The following SLCO6A1 variants were observed in gnomAD, a reference collection of about 807,000 sequenced individuals.
SLCO6A1 encodes the protein solute carrier organic anion transporter family member 6A1.
In SLCO6A1, 65 loss-of-function variants were observed where a neutral mutation model predicts 72.7. The observed-to-expected ratio is 0.89, with a 90% CI of 0.73 to 1.10. The LOEUF (loss-of-function observed/expected upper bound fraction) is 1.10. Among genes scored for constraint, SLCO6A1 ranks in the 50% least tolerant of loss-of-function variants. SLCO6A1 has a pLI of 0.00. For missense variants in SLCO6A1, 874 were observed against 872.6 expected (o/e 1.00, Z -0.02); for synonymous variants, 314 against 298.2 (o/e 1.05, Z -0.55).
rs988098275 is a variant in SLCO6A1 at position 102,479,377 on chromosome 5, C to T, written c.616+800G>A. ...AAATCTTCTTTCTTTATAAATTACC[C>T]AGTCTCAGGTAGTTCTTTATAGCAG... On this transcript the variant is annotated intron_variant, in intron 2 of 13. Transcript: ENST00000506729. Among the ~76,000 whole-genome samples the T allele has an allele frequency of 3.3e-5, 5 of 152,092 alleles. No individual in the cohort carries two copies. The South Asian group carries it at 1.0e-3, about 31-fold the overall frequency.
At position 102,377,136 on chromosome 5, in the gene SLCO6A1, C is replaced by T. The variant is rs544023788; in HGVS notation, c.2018-3642G>A. Among the ~76,000 whole-genome samples the T allele has an allele frequency of 1.2e-4, 18 of 152,262 alleles. No homozygotes were observed. In the South Asian group the frequency reaches 3.3e-3, roughly 28 times the overall value. ...CCATGATCTCTCCACTTCACTCCAG[C>T]CTGGGTGACAGAGCAAGACATTGTC... On this transcript the variant is annotated intron_variant, in intron 12 of 13. Transcript: ENST00000506729.
intron 6 of SLCO6A1, among the ~76,000 whole-genome samples, chr5:102,451,901 A>AT: frequency 6.6e-6 from 1 of 152,326 alleles, no homozygotes; most frequent in East Asian, 1.9e-4. Flanking sequence ...AGTTTTGAAA[A>AT]TTATGTTATT....
At chr5:102,452,499 C>T (rs1338884928) in intron 6 of SLCO6A1, among the ~76,000 whole-genome samples, 2 of 152,144 alleles carry the variant, frequency 1.3e-5, no homozygotes, top group African/African-American at 2.4e-5. Context: ...CTTTTAACCT[C>T]GTGGATATTA....
rs1753029449 is a variant in SLCO6A1 at position 102,498,732 on chromosome 5, G to A, written c.113C>T (p.Thr38Ile). The A allele has an allele frequency of 6.2e-7, 1 of 1,614,196 alleles. No individual in the cohort carries two copies. Among genetic ancestry groups the A allele is most frequent in the Non-Finnish European group, 8.5e-7 (1 of 1,180,024 alleles). Residue 38 changes from threonine to isoleucine, a missense_variant, in exon 1 of 14, where the codon ACC becomes ATC. Thr to Ile is a moderately conservative substitution (Grantham distance 89). Transcript: ENST00000506729. The part of the protein sequence containing the change: ...QPAKDRRAKG[T>I]PKSSKPGKKH... ...TTTCCCGGGCTTCGAGGACTTCGGGGTTCCCTTGGCCCTCCTGTCCTTAGC... is the reference window on the plus strand; with the variant it reads ...TTTCCCGGGCTTCGAGGACTTCGGGATTCCCTTGGCCCTCCTGTCCTTAGC...
At chr5:102,426,703 C>T (rs781200277) in intron 7 of SLCO6A1, among the ~76,000 whole-genome samples, 4 of 152,186 alleles carry the variant, frequency 2.6e-5, no homozygotes, top group Non-Finnish European at 4.4e-5. Context: ...TTGCGGAAAA[C>T]AGTGTGGTGC....
chr5:102,435,003 T>C (rs1321762769), intron 7 of SLCO6A1, among the ~76,000 whole-genome samples: 1 of 152,212 alleles, frequency 6.6e-6, no homozygotes. Context: ...TAATTTCTTG[T>C]TTAAACAAAA....
chr5:102,419,219 G>GTATT (rs2112610266), intron 8 of SLCO6A1, among the ~76,000 whole-genome samples: 1 of 152,230 alleles, frequency 6.6e-6, no homozygotes, highest in South Asian at 2.1e-4. Flanking sequence ...TTTTAAAACT[G>GTATT]TATTCAGCTT....
intron 2 of SLCO6A1, 63 bp from the exon 3 acceptor site, chr5:102,477,924 T>C (rs1037738885): frequency 1.4e-6 from 2 of 1,419,202 alleles, no homozygotes; most frequent in South Asian, 2.8e-5. Context: ...AAATGTGCAG[T>C]ATTCTTTATC....
intron 12 of SLCO6A1, among the ~76,000 whole-genome samples, chr5:102,385,877 G>A (rs1483683389): frequency 2.1e-5 from 3 of 146,128 alleles, no homozygotes; most frequent in Non-Finnish European, 3.0e-5. Context: ...TGTTGCCTAG[G>A]CTGGCCTTGA....
chr5:102,426,035 A>G (rs1378349986), intron 7 of SLCO6A1, among the ~76,000 whole-genome samples: 1 of 152,204 alleles, frequency 6.6e-6, no homozygotes, highest in Non-Finnish European at 1.5e-5. Context: ...TCCCTATTTT[A>G]TAAATGGTGC....
intron 12 of SLCO6A1, among the ~76,000 whole-genome samples, chr5:102,378,937 C>T (rs1006065506): frequency 1.4e-4 from 21 of 151,922 alleles, no homozygotes; most frequent in Non-Finnish European, 2.2e-4. Flanking sequence ...CCCGCCACTA[C>T]GCCTAGCTAA....
intron 4 of SLCO6A1, among the ~76,000 whole-genome samples, chr5:102,467,289 C>T (rs1751359588): frequency 6.6e-6 from 1 of 152,024 alleles, no homozygotes; most frequent in Non-Finnish European, 1.5e-5. Flanking sequence ...TATAAGGATG[C>T]ATGCCTGTAG....
intron 12 of SLCO6A1, among the ~76,000 whole-genome samples, chr5:102,380,896 A>G (rs1002483608): frequency 1.3e-5 from 2 of 151,944 alleles, no homozygotes; most frequent in African/African-American, 4.8e-5. Context: ...CTTTATTTAG[A>G]GTAAGCATGC....
rs897637039 is a variant in SLCO6A1 at position 102,498,699 on chromosome 5, C to A, written c.146G>T (p.Arg49Leu). ...GGCCTCTGGAAGTAGTCTCAGATAC[C>A]GGTGTTTTTTCCCGGGCTTCGAGGA... is the stretch of plus-strand genomic sequence containing the variant. ...PKSSKPGKKHRYLRLLPEALI... is the reference protein window; with the variant it reads ...PKSSKPGKKHLYLRLLPEALI... The change falls in exon 1 of 14, where the codon CGG becomes CTG. Residue 49 changes from arginine (R) to leucine (L), a missense_variant. Arg to Leu is a moderately radical substitution (Grantham distance 102). Transcript: ENST00000506729. 6 of 1,614,166 alleles carry A rather than the reference C, an allele frequency of 3.7e-6. No homozygotes were observed. The highest frequency in any genetic ancestry group is 5.1e-6 in the Non-Finnish European group (6 of 1,180,038).
At chr5:102,476,005 A>G (rs1751878994) in intron 3 of SLCO6A1, among the ~76,000 whole-genome samples, 1 of 152,128 alleles carries the variant, frequency 6.6e-6, no homozygotes, top group South Asian at 2.1e-4. Context: ...GAACCAAGCT[A>G]TGAGGATGCA....
intron 10 of SLCO6A1, among the ~76,000 whole-genome samples, chr5:102,391,698 G>A (rs967504555): frequency 2.0e-5 from 3 of 151,990 alleles, no homozygotes; most frequent in South Asian, 4.2e-4. Context: ...ACTATTATTT[G>A]GGATTCCTTA....
At chr5:102,447,412 G>A (rs1213995760) in intron 6 of SLCO6A1, among the ~76,000 whole-genome samples, 1 of 152,112 alleles carries the variant, frequency 6.6e-6, no homozygotes, top group East Asian at 1.9e-4. Context: ...CCTCCCCCTT[G>A]ATTTTTTTAG....
rs1484776643 is a variant in SLCO6A1, at chr5:102,399,673, C to A, written c.1696G>T (p.Ala566Ser). The change falls in exon 10 of 14, where the codon GCC becomes TCC. Residue 566 changes from alanine (A) to serine (S), a missense_variant. Coordinates refer to ENST00000506729, the MANE Select transcript of SLCO6A1 (RefSeq NM_173488.5). ...TTTGCATCACATTTCCCGGGTCTGG[C>A]ATCAATAAAATCACCTTCTGCATCT... The part of the protein sequence containing the change: ...TADAEGDFID[A>S]RPGKCDAKCY... 1.2e-6 allele frequency: 2 copies of A among 1,609,250 alleles called. No homozygotes were observed. Among genetic ancestry groups the A allele is most frequent in the East Asian group, 2.2e-5 (1 of 44,730 alleles).
chr5:102,385,743 C>T (rs1041973707), intron 12 of SLCO6A1, among the ~76,000 whole-genome samples: 5 of 150,384 alleles, frequency 3.3e-5, no homozygotes, highest in South Asian at 2.1e-4. Context: ...TCTGTGTACT[C>T]GTGTAGCTTA....
Sources: allele counts gnomAD v4.1 joint callset (sites outside exome capture counted in the v4.1 genomes callset), GRCh38; gene constraint gnomAD v4.1.1; transcripts MANE v1.5; gene names NCBI Gene and HGNC (gene_info 2026-07-23, HGNC 2026-07-21).